The following RAPGEF2 variants were observed in gnomAD, a reference collection of about 807,000 sequenced individuals.
The protein encoded by RAPGEF2 is Rap guanine nucleotide exchange factor 2, also known as PDZ domain containing guanine nucleotide exchange factor (GEF) 1.
A neutral mutation model predicts 186.7 loss-of-function variants in RAPGEF2; 54 were observed. That is an observed-to-expected ratio of 0.29 (90% confidence interval 0.23 to 0.36). RAPGEF2 has a LOEUF of 0.36. RAPGEF2 is among the 10% of genes least tolerant of loss of function. RAPGEF2 has a pLI of 1.00. For missense variants in RAPGEF2, 1,532 were observed against 2,045.0 expected, an observed-to-expected ratio of 0.75 and a Z score of 4.84; for synonymous variants, 712 against 705.9, an observed-to-expected ratio of 1.01 and a Z score of -0.14.
At chr4:159,210,646 G>C in intron 4 of RAPGEF2, 63 bp downstream of exon 4, 1 of 1,297,086 alleles carries the variant, frequency 7.7e-7, no homozygotes. Context: ...GCAGAATTCA[G>C]TTCTAAAATT....
intron 1 of RAPGEF2, among the ~76,000 whole-genome samples, chr4:159,184,524 G>A (rs912035453): frequency 7.2e-5 from 11 of 152,120 alleles, no homozygotes; most frequent in Admixed American, 2.0e-4. Context: ...TTGTCTGTTG[G>A]CTGCCTAAAT....
rs1579974481 is a variant in RAPGEF2, at chr4:159,332,504, C to T, written c.1942C>T (p.His648Tyr). The T allele has an allele frequency of 6.2e-7, 1 of 1,613,980 alleles. No individual in the cohort carries two copies. Among genetic ancestry groups the T allele is most frequent in the Non-Finnish European group, 8.5e-7 (1 of 1,179,892 alleles). The change falls in exon 17 of 30, where the codon CAC becomes TAC. Residue 648 changes from histidine (H) to tyrosine (Y), a missense_variant. Transcript: ENST00000691494. ...AGAAGAGAAAAGAAATGGTGCCCCC[C>T]ACCTTCCTAAAATTGGTGACATTAA... Reference protein sequence around the residue: ...LSEEKRNGAPHLPKIGDIKKA... With the variant: ...LSEEKRNGAPYLPKIGDIKKA...
intron 1 of RAPGEF2, among the ~76,000 whole-genome samples, chr4:159,118,958 A>G (rs1411842638): frequency 6.6e-6 from 1 of 152,166 alleles, no homozygotes; most frequent in Non-Finnish European, 1.5e-5. Context: ...ACTGTTTTTC[A>G]GTAGTTGATA....
At chr4:159,194,608 CA>C (rs1307918301) in intron 3 of RAPGEF2, among the ~76,000 whole-genome samples, 1 of 152,188 alleles carries the variant, frequency 6.6e-6, no homozygotes, top group African/African-American at 2.4e-5. Context: ...GTGACTTTAA[CA>C]AACCTTAAAC....
intron 1 of RAPGEF2, among the ~76,000 whole-genome samples, chr4:159,122,717 A>G (rs779913292): frequency 1.3e-5 from 2 of 152,224 alleles, no homozygotes; most frequent in East Asian, 1.9e-4. Context: ...AGTAAACTGC[A>G]TATTGCAGTA....
At chr4:159,332,174 T>TA (rs1766768186) in intron 16 of RAPGEF2, 140 bp downstream of exon 16, 2 of 667,108 alleles carry the variant, frequency 3.0e-6, no homozygotes, top group Admixed American at 6.7e-5. Context: ...AAAATATTTT[T>TA]AATCTGTCTT....
At chr4:159,137,896 TA>T (rs1741900064) in intron 1 of RAPGEF2, among the ~76,000 whole-genome samples, 1 of 152,192 alleles carries the variant, frequency 6.6e-6, no homozygotes, top group Admixed American at 6.5e-5. Flanking sequence ...TTTAATGAGT[TA>T]AAAAATTAGT....
intron 7 of RAPGEF2, among the ~76,000 whole-genome samples, chr4:159,292,074 A>G (rs1259594218): frequency 1.3e-5 from 2 of 152,150 alleles, no homozygotes; most frequent in Non-Finnish European, 2.9e-5. Context: ...TTTGTGCAAC[A>G]TTACCACCGT....
At chr4:159,256,297 G>A (rs1418784871) in intron 7 of RAPGEF2, among the ~76,000 whole-genome samples, 1 of 152,144 alleles carries the variant, frequency 6.6e-6, no homozygotes, top group South Asian at 2.1e-4. Context: ...AGAACATGCA[G>A]TGTTTAGTTT....
intron 24 of RAPGEF2, 78 bp from the exon 25 acceptor site, chr4:159,346,711 C>T: frequency 1.7e-6 from 2 of 1,205,476 alleles, no homozygotes. Context: ...AATGCTCACA[C>T]AGTTCTAGAA....
chr4:159,310,592 T>A (rs899570670), intron 8 of RAPGEF2, among the ~76,000 whole-genome samples: 40 of 152,260 alleles, frequency 2.6e-4, no homozygotes, highest in African/African-American at 8.9e-4. Flanking sequence ...CCTTTTGATT[T>A]AAATAGTGGA....
intron 7 of RAPGEF2, among the ~76,000 whole-genome samples, chr4:159,302,331 C>T (rs1391330519): frequency 1.0e-5 from 1 of 96,834 alleles, no homozygotes; most frequent in Non-Finnish European, 2.2e-5. Context: ...CTTCATTTGA[C>T]ACGTTAATTT....
intron 1 of RAPGEF2, among the ~76,000 whole-genome samples, chr4:159,179,581 TACTC>T (rs770492230): frequency 3.3e-5 from 5 of 152,220 alleles, no homozygotes; most frequent in East Asian, 1.9e-4. Context: ...ACCCCATTCT[TACTC>T]ACTTGCCTTT....
chr4:159,155,654 G>C (rs1018991366), intron 1 of RAPGEF2, among the ~76,000 whole-genome samples: 1 of 152,078 alleles, frequency 6.6e-6, no homozygotes, highest in Non-Finnish European at 1.5e-5. Context: ...CAGAAGACGT[G>C]GTAATTCTTA....
chr4:159,296,943 C>T (rs571400738), intron 7 of RAPGEF2, among the ~76,000 whole-genome samples: 2 of 152,256 alleles, frequency 1.3e-5, no homozygotes, highest in Admixed American at 1.3e-4. Context: ...TGACAGACAG[C>T]CAGTTTTCAA....
At chr4:159,105,588 C>G (rs1378293770) in intron 1 of RAPGEF2, among the ~76,000 whole-genome samples, 1 of 152,160 alleles carries the variant, frequency 6.6e-6, no homozygotes, top group Non-Finnish European at 1.5e-5. Context: ...CAGAAAGTTC[C>G]CATTCTAAAA....
intron 7 of RAPGEF2, among the ~76,000 whole-genome samples, chr4:159,248,036 A>ACAGG (rs1754861615): frequency 6.6e-6 from 1 of 152,176 alleles, no homozygotes; most frequent in African/African-American, 2.4e-5. Flanking sequence ...TGCTGGGATT[A>ACAGG]CAGGCGTGAG....
intron 7 of RAPGEF2, among the ~76,000 whole-genome samples, chr4:159,262,460 A>G (rs55967611): frequency 1.1e-3 from 170 of 152,326 alleles, no homozygotes; most frequent in African/African-American, 4.0e-3. Flanking sequence ...ATTCACAACC[A>G]CTGTTCAAGG....
intron 9 of RAPGEF2, among the ~76,000 whole-genome samples, chr4:159,318,387 T>C (rs570191179): frequency 1.1e-3 from 169 of 152,232 alleles, no homozygotes; most frequent in Non-Finnish European, 1.6e-3. Context: ...ATGTTTTCTC[T>C]AGATGCCTCT....
Sources: gnomAD v4.1 joint callset for allele counts (sites outside exome capture counted in the v4.1 genomes callset) on GRCh38, gnomAD v4.1.1 for gene constraint, MANE v1.5 for transcripts, NCBI Gene and HGNC (gene_info 2026-07-23, HGNC 2026-07-21) for gene names.